Variants in VWA3B observed in about 807,000 individuals in gnomAD.
VWA3B encodes von Willebrand factor A domain containing 3B, also known as von Willebrand factor A domain-containing protein 3B.
Under a neutral mutation model 158.3 loss-of-function variants are expected in VWA3B, and 138 were observed. That is an observed-to-expected ratio of 0.87 (90% CI 0.76 to 1.00). The LOEUF (loss-of-function observed/expected upper bound fraction) is 1.00. Among genes scored for constraint, VWA3B ranks in the 50% least tolerant of loss-of-function variants. The pLI, the probability that VWA3B is intolerant of heterozygous loss-of-function variation, is 0.00. For missense variants in VWA3B, 1,555 were observed against 1,565.1 expected (o/e 0.99, Z 0.11); for synonymous variants, 596 against 587.3 (o/e 1.01, Z -0.21).
chr2:98,129,224 A>AGAGAGAGAGTGTGTGT (rs1370543551), intron 6 of VWA3B, among the ~76,000 whole-genome samples: 23 of 124,652 alleles, frequency 1.8e-4, no homozygotes, highest in African/African-American at 4.5e-4. Context: ...AGAGAGAGAG[A>AGAGAGAGAGTGTGTGT]GTGTGTGTGT....
intron 20 of VWA3B, among the ~76,000 whole-genome samples, chr2:98,252,361 C>A (rs7598554): frequency 0.81 from 123,709 of 152,162 alleles, 50,675 homozygotes; most frequent in South Asian, 0.9. Context: ...TTCAAAATGC[C>A]ATATAACAAT....
chr2:98,169,510 G>A (rs1267039947), intron 8 of VWA3B, among the ~76,000 whole-genome samples: 1 of 151,892 alleles, frequency 6.6e-6, no homozygotes, highest in African/African-American at 2.4e-5. Flanking sequence ...AAAACAAATA[G>A]CAAGATGATA....
rs538082737 is a variant in VWA3B at position 98,181,198 on chromosome 2, G to A, written c.1297G>A (p.Val433Met). ...AAAAGCCAAACCGGAGAATGAGTCC[G>A]TGCAGACCAGTGCGGTAGGTGAAGT... ...DIKAKPENESVQTSAETNKKT... is the reference protein window; with the variant it reads ...DIKAKPENESMQTSAETNKKT... Residue 433 changes from valine (V) to methionine (M), a missense_variant, in exon 9 of 28, where the codon GTG becomes ATG. Val to Met is a conservative substitution (Grantham distance 21, BLOSUM62 1). Coordinates refer to ENST00000477737, the MANE Select transcript of VWA3B (RefSeq NM_144992.5). The A allele has an allele frequency of 1.3e-4, 208 of 1,614,006 alleles. 3 individuals carry two copies. Among genetic ancestry groups the A allele is most frequent in the South Asian group, 1.1e-3 (98 of 91,054 alleles).
chr2:98,112,305 T>G (rs527843886), intron 2 of VWA3B, among the ~76,000 whole-genome samples: 300 of 149,498 alleles, frequency 2.0e-3, no homozygotes, highest in Admixed American at 3.6e-3. Context: ...TGTGTGTGGG[T>G]GTGTGTGTGT....
intron 7 of VWA3B, among the ~76,000 whole-genome samples, chr2:98,146,985 G>T (rs1162685087): frequency 1.3e-5 from 2 of 152,112 alleles, no homozygotes; most frequent in Admixed American, 1.3e-4. Context: ...CATACATTAT[G>T]TTGCCACTCA....
At chr2:98,298,379 A>ATTCTG (rs1689951402) in intron 24 of VWA3B, among the ~76,000 whole-genome samples, 1 of 56,202 alleles carries the variant, frequency 1.8e-5, no homozygotes, top group Non-Finnish European at 4.5e-5. Flanking sequence ...AAAAGATTCT[A>ATTCTG]TTCTATTCTA....
chr2:98,140,534 TC>T (rs1676697024), intron 7 of VWA3B, among the ~76,000 whole-genome samples: 1 of 152,198 alleles, frequency 6.6e-6, no homozygotes, highest in African/African-American at 2.4e-5. Context: ...AGGTGGGTGT[TC>T]CGTTAAGGAG....
At chr2:98,097,885 T>C (rs952977542) in intron 2 of VWA3B, among the ~76,000 whole-genome samples, 10 of 152,322 alleles carry the variant, frequency 6.6e-5, no homozygotes, top group African/African-American at 2.4e-4. Context: ...TTCATATGTT[T>C]GTTGGCCATT....
At position 98,093,111 on chromosome 2, in the gene VWA3B, T is replaced by C. The variant is rs375624917; in HGVS notation, c.19T>C (p.Ser7Pro). 6.8e-6 allele frequency: 11 copies of C among 1,613,706 alleles called. No individual in the cohort carries two copies. Among genetic ancestry groups the C allele is most frequent in the Non-Finnish European group, 9.3e-6 (11 of 1,179,890 alleles). The change falls in exon 2 of 28, where the codon TCT (serine) becomes CCT (proline). Residue 7 changes from serine to proline, a missense_variant. Transcript: ENST00000477737. MEKSGPSSTISEQQLQR... is the reference protein window; with the variant it reads MEKSGPPSTISEQQLQR... ...TTCAGAGATGGAGAAATCAGGCCCA[T>C]CTTCTACCATCTCTGAGCAGCAGCT...
In VWA3B at chr2:98,311,906, G is replaced by A. The variant is rs1406300889; in HGVS notation, c.3609G>A (p.Glu1203=). Residue 1203 remains glutamate (E), a synonymous_variant, in exon 27 of 28, where the codon GAG becomes GAA. Transcript: ENST00000477737. ...AGGATTCCAGAGAGCCAAGACGAGA[G>A]AAGCCCAGGAGGAAAAAGAGGCCCG... ...DTQDSREPRR[E]KPRRKKRPAK... The A allele has an allele frequency of 2.5e-6, 4 of 1,610,956 alleles. No individual in the cohort carries two copies. Among genetic ancestry groups the A allele is most frequent in the Non-Finnish European group, 3.4e-6 (4 of 1,178,682 alleles).
intron 11 of VWA3B, 82 bp downstream of exon 11, chr2:98,193,118 A>T (rs952881124): frequency 6.7e-7 from 1 of 1,501,326 alleles, no homozygotes; most frequent in Non-Finnish European, 8.9e-7. Flanking sequence ...TTGTTGCTCT[A>T]AAAAATTCCT....
chr2:98,259,038 C>G (rs1335921781), intron 21 of VWA3B, among the ~76,000 whole-genome samples: 2 of 151,452 alleles, frequency 1.3e-5, no homozygotes, highest in Non-Finnish European at 3.0e-5. Flanking sequence ...TGGATTTTTC[C>G]CTTTGCTCTA....
intron 25 of VWA3B, among the ~76,000 whole-genome samples, chr2:98,300,544 C>T (rs1388786117): frequency 2.6e-5 from 4 of 152,170 alleles, no homozygotes; most frequent in African/African-American, 4.8e-5. Context: ...CCTCATCCTC[C>T]TCCTCCTCCT....
chr2:98,325,875 A>C, the VWA3B span, among the ~76,000 whole-genome samples: 1 of 152,216 alleles, frequency 6.6e-6, no homozygotes, highest in East Asian at 1.9e-4. Flanking sequence ...GCCAAATCCC[A>C]GATAATATAT....
At chr2:98,171,449 G>GA (rs1679574390) in intron 8 of VWA3B, among the ~76,000 whole-genome samples, 1 of 152,098 alleles carries the variant, frequency 6.6e-6, no homozygotes. Context: ...CCAGGAAGAA[G>GA]AATAGCATAT....
intron 6 of VWA3B, among the ~76,000 whole-genome samples, chr2:98,129,201 A>T (rs1675625070): frequency 8.3e-6 from 1 of 120,360 alleles, no homozygotes; most frequent in Non-Finnish European, 1.7e-5. Flanking sequence ...AGTGAGAGAG[A>T]GAGAGGAGAG....
At chr2:98,244,029 A>G (rs1686238157) in intron 19 of VWA3B, among the ~76,000 whole-genome samples, 1 of 152,196 alleles carries the variant, frequency 6.6e-6, no homozygotes, top group Non-Finnish European at 1.5e-5. Flanking sequence ...CTCAATTTCA[A>G]AATGTTTTGT....
At chr2:98,273,733 T>C (rs1377614761) in intron 22 of VWA3B, among the ~76,000 whole-genome samples, 1 of 152,144 alleles carries the variant, frequency 6.6e-6, no homozygotes, top group African/African-American at 2.4e-5. Flanking sequence ...TATCCTAATT[T>C]GAACGAGGAT....
intron 12 of VWA3B, among the ~76,000 whole-genome samples, chr2:98,198,637 A>G (rs1424471431): frequency 2.0e-5 from 3 of 152,134 alleles, no homozygotes; most frequent in Admixed American, 6.5e-5. Context: ...CAAAGGGACC[A>G]ATTCTATCAC....
Sources: gnomAD v4.1 joint callset for allele counts (sites outside exome capture counted in the v4.1 genomes callset) on GRCh38, gnomAD v4.1.1 for gene constraint, MANE v1.5 for transcripts, NCBI Gene and HGNC (gene_info 2026-07-23, HGNC 2026-07-21) for gene names.